The following CPNE9 variants were observed in gnomAD, a reference collection of about 807,000 sequenced individuals.
CPNE9 encodes the protein copine family member 9, also known as copine-9.
A neutral mutation model predicts 83.0 loss-of-function variants in CPNE9; 59 were observed. That is an observed-to-expected ratio of 0.71 (90% confidence interval 0.58 to 0.88). The LOEUF is 0.88. CPNE9 is among the 40% of genes least tolerant of loss of function. CPNE9 has a pLI of 0.00. For synonymous variants in CPNE9, 256 were observed against 273.4 expected (o/e 0.94, Z 0.63); for missense variants, 619 against 720.8 (o/e 0.86, Z 1.62).
chr3:9,724,378 G>T (rs1240887723), intron 17 of CPNE9, among the ~76,000 whole-genome samples: 1 of 152,156 alleles, frequency 6.6e-6, no homozygotes, highest in African/African-American at 2.4e-5. Flanking sequence ...ATGAGATGTG[G>T]CTGGCAGAGG....
chr3:9,705,407 C>A, intron 4 of CPNE9, 57 bp from the exon 5 acceptor site: 1 of 1,065,138 alleles, frequency 9.4e-7, no homozygotes, highest in Non-Finnish European at 1.4e-6. Context: ...TGCCCGACCC[C>A]TTTCCACCCT....
At chr3:9,723,325 A>G (rs1382351478) in intron 17 of CPNE9, among the ~76,000 whole-genome samples, 1 of 152,138 alleles carries the variant, frequency 6.6e-6, no homozygotes, top group Non-Finnish European at 1.5e-5. Flanking sequence ...TATAAAAATT[A>G]GCCGGGCATG....
Position 9,729,894 on chromosome 3 carries a change from C to A in CPNE9, c.*202C>A. ...CTCTGCCTTCATGCCAATAATAAAG[C>A]TGATCTTTATTCCACCTCTGTCTCA... On this transcript the variant is annotated 3_prime_UTR_variant, in exon 21 of 21. Coordinates refer to ENST00000383832, the MANE Select transcript of CPNE9 (RefSeq NM_153635.3). The A allele has an allele frequency of 1.5e-6, 1 of 656,646 alleles. No homozygotes were observed. Among genetic ancestry groups the A allele is most frequent in the Non-Finnish European group, 2.4e-6 (1 of 415,680 alleles). The allele number at this position is 656,646 out of a possible 1,614,324, so 40.7% of individuals were successfully genotyped here.
In CPNE9 at chr3:9,713,056, T is replaced by C; in HGVS notation, c.627T>C (p.Ala209=). 4 of 1,614,128 alleles carry C rather than the reference T, an allele frequency of 2.5e-6. No individual in the cohort carries two copies. The highest frequency in any genetic ancestry group is 3.4e-6 in the Non-Finnish European group (4 of 1,179,978). ...VWQPFSIPVR[A]LCNGDYDRTV... ...AGCCCTTCAGCATCCCTGTGCGGGC[T>C]CTGTGCAATGGAGACTATGACAGGT... is the stretch of plus-strand genomic sequence containing the variant. Residue 209 remains alanine (A), a synonymous_variant, in exon 10 of 21, where the codon GCT becomes GCC. Transcript: ENST00000383832.
At position 9,721,985 on chromosome 3, in the gene CPNE9, C is replaced by G. The variant is rs561951572; in HGVS notation, c.1241+3383C>G. 4.0e-5 allele frequency among the ~76,000 whole-genome samples: 6 copies of G among 151,444 alleles called. No homozygotes were observed. In the South Asian group the frequency reaches 1.3e-3, roughly 32 times the overall value. ...CCAGGCTGGAGTGCAGTGGCACGAT[C>G]TCAGCTCACTGCAACCTCTGCCCCT... On this transcript the variant is annotated intron_variant, in intron 17 of 20. Coordinates refer to ENST00000383832, the MANE Select transcript of CPNE9 (RefSeq NM_153635.3).
Position 9,712,838 on chromosome 3 carries a change from T to G in CPNE9, c.545+10T>G, listed in dbSNP as rs752944991. The G allele has an allele frequency of 4.8e-5, 77 of 1,610,694 alleles. No homozygotes were observed. The highest frequency in any genetic ancestry group is 6.2e-5 in the Non-Finnish European group (73 of 1,177,096). On this transcript the variant is annotated intron_variant, in intron 9 of 20. Coordinates refer to ENST00000383832, the MANE Select transcript of CPNE9 (RefSeq NM_153635.3). ...GCAATGAGGATGGCACGTGAGTCAC[T>G]GCCATCAGGGCTGTTAGGCTGGGGT... is the stretch of plus-strand genomic sequence containing the variant.
intron 6 of CPNE9, 98 bp downstream of exon 6, chr3:9,705,818 C>A: frequency 7.0e-7 from 1 of 1,427,308 alleles, no homozygotes; most frequent in Non-Finnish European, 9.8e-7. Context: ...AGATTGCTCG[C>A]AGACCCCTTC....
In CPNE9 at chr3:9,704,920, G is replaced by C. The variant is rs752128861; in HGVS notation, c.186G>C (p.Thr62=). Residue 62 remains threonine, a synonymous_variant, in exon 4 of 21, where the codon ACG becomes ACC. Transcript: ENST00000383832. The surrounding 1 kb of genome is among the most constrained non-coding windows in gnomAD (Gnocchi z 7.1). The part of the protein sequence containing the change: ...EFGRTEVIDN[T]LNPDFVRKFV... ...GACGGACCGAGGTGATTGATAACAC[G>C]CTGAACCCAGACTTCGTGCGCAAAT... is the stretch of plus-strand genomic sequence containing the variant. 2.5e-6 allele frequency: 4 copies of C among 1,613,324 alleles called. No individual in the cohort carries two copies. In the Admixed American group the frequency reaches 5.0e-5, roughly 20 times the overall value.
chr3:9,728,361 C>T (rs1436105535), intron 20 of CPNE9, among the ~76,000 whole-genome samples: 3 of 152,162 alleles, frequency 2.0e-5, no homozygotes, highest in African/African-American at 4.8e-5. Context: ...CGGTGGCTCA[C>T]GCTTGTAATC....
chr3:9,709,474 T>G (rs1364349467), intron 7 of CPNE9, among the ~76,000 whole-genome samples: 1 of 149,660 alleles, frequency 6.7e-6, no homozygotes, highest in African/African-American at 2.5e-5. Flanking sequence ...GTTCAAGCGA[T>G]TCTCCTGCCT....
rs752965541 is a variant in CPNE9, at chr3:9,717,136, T to C, written c.931+32T>C. ...CACGGATGAGTGAAAAAGTCGGAGG[T>C]GGGAAGGCACTTCTAAGGGAGTCAT... is the stretch of plus-strand genomic sequence containing the variant. On this transcript the variant is annotated intron_variant, in intron 15 of 20. Coordinates refer to ENST00000383832, the MANE Select transcript of CPNE9 (RefSeq NM_153635.3). The C allele has an allele frequency of 6.4e-5, 103 of 1,611,882 alleles. 3 individuals are homozygous for C. In the South Asian group the frequency reaches 1.1e-3, roughly 17 times the overall value.
intron 17 of CPNE9, among the ~76,000 whole-genome samples, chr3:9,724,020 AG>A (rs1400533022): frequency 3.3e-5 from 5 of 152,198 alleles, no homozygotes; most frequent in Admixed American, 2.6e-4. Context: ...GAAAGTAGCT[AG>A]GGTGGCCAAG....
chr3:9,722,375 C>T (rs1047083769), intron 17 of CPNE9, among the ~76,000 whole-genome samples: 1 of 152,156 alleles, frequency 6.6e-6, no homozygotes, highest in Non-Finnish European at 1.5e-5. Context: ...ATAGACTGGC[C>T]TCCTCTGGCC....
intron 17 of CPNE9, among the ~76,000 whole-genome samples, chr3:9,719,774 A>G (rs1190697603): frequency 6.6e-6 from 1 of 151,852 alleles, no homozygotes. Flanking sequence ...TGGGTGAATC[A>G]TGAGGTCAGG....
intron 18 of CPNE9, 57 bp from the exon 19 acceptor site, chr3:9,726,608 A>G: frequency 7.3e-7 from 1 of 1,366,154 alleles, no homozygotes; most frequent in Non-Finnish European, 1.0e-6. Flanking sequence ...GTCTCCCAAC[A>G]GTCACCTCCC....
rs773591671 is a variant in CPNE9, at chr3:9,715,247, A to C, written c.693-42A>C. 2.0e-5 allele frequency: 32 copies of C among 1,593,020 alleles called. No homozygotes were observed. The African/African-American group carries it at 3.5e-4, about 17-fold the overall frequency. ...AGACTGGGTTCAGCTCTGGTTCCAAACCAGCAGCACCTGCTGCTTAGCCAC... is the reference window on the plus strand; with the variant it reads ...AGACTGGGTTCAGCTCTGGTTCCAACCCAGCAGCACCTGCTGCTTAGCCAC... On this transcript the variant is annotated intron_variant, in intron 11 of 20. Coordinates refer to ENST00000383832, the MANE Select transcript of CPNE9 (RefSeq NM_153635.3).
chr3:9,714,430 A>C (rs955425476), intron 10 of CPNE9, among the ~76,000 whole-genome samples: 3 of 152,112 alleles, frequency 2.0e-5, no homozygotes, highest in African/African-American at 7.2e-5. Context: ...AAGTCTTTGG[A>C]ATCAGGATGC....
At position 9,726,687 on chromosome 3, in the gene CPNE9, T is replaced by C; in HGVS notation, c.1367T>C (p.Ile456Thr). ...IVSASSLPMS[I>T]IIVGVGPAMF... Reference sequence around the variant, plus strand: ...CAGGCCTCCTCATTGCCCATGTCTATCATTATCGTCGGTGTAGGACCAGCC... The same window carrying C: ...CAGGCCTCCTCATTGCCCATGTCTACCATTATCGTCGGTGTAGGACCAGCC... Residue 456 changes from isoleucine to threonine, a missense_variant, in exon 19 of 21, where the codon ATC becomes ACC. Around this residue, in one of 3 missense-constraint regions of CPNE9, gnomAD observed 438 missense variants for 562.9 expected, o/e 0.78. Transcript: ENST00000383832. 6.2e-7 allele frequency: 1 copy of C among 1,614,020 alleles called. No individual in the cohort carries two copies. Among genetic ancestry groups the C allele is most frequent in the Middle Eastern group, 1.6e-4 (1 of 6,062 alleles).
Position 9,704,807 on chromosome 3 carries a change from A to G in CPNE9, c.156+12A>G. On this transcript the variant is annotated intron_variant, in intron 3 of 20. Transcript: ENST00000383832. This position sits in a 1 kb window ranked among gnomAD's most constrained non-coding sequence, Gnocchi z 7.1. Reference sequence around the variant, plus strand: ...AGGAGTGGCGGGAGGTGAGTCCCAGAGCCCCCTCCCGGCCCAGGGCGTCGC... The same window carrying G: ...AGGAGTGGCGGGAGGTGAGTCCCAGGGCCCCCTCCCGGCCCAGGGCGTCGC... 1.2e-6 allele frequency: 2 copies of G among 1,603,682 alleles called. No individual in the cohort carries two copies. The highest frequency in any genetic ancestry group is 8.5e-7 in the Non-Finnish European group (1 of 1,175,988).
Sources: allele counts gnomAD v4.1 joint callset (sites outside exome capture counted in the v4.1 genomes callset), GRCh38; gene constraint gnomAD v4.1.1; regional missense constraint gnomAD v4.1.1; non-coding constraint Gnocchi (gnomAD v3.1); transcripts MANE v1.5; gene names NCBI Gene and HGNC (gene_info 2026-07-23, HGNC 2026-07-21).